Variants in EP400 observed in about 807,000 individuals in gnomAD.
EP400 encodes E1A-binding protein p400.
Under a neutral mutation model 354.1 loss-of-function variants are expected in EP400, and 105 were observed. That is an observed-to-expected ratio of 0.30 (90% CI 0.25 to 0.35). The LOEUF is 0.35. EP400 is among the 10% of genes least tolerant of loss of function. EP400 has a pLI of 1.00. For synonymous variants in EP400, 1,646 were observed against 1,716.9 expected (o/e 0.96, Z 1.02); for missense variants, 3,280 against 4,121.0 (o/e 0.80, Z 5.59).
chr12:131,991,481 T>G, intron 10 of EP400, 25 bp downstream of exon 10: 2 of 1,613,218 alleles, frequency 1.2e-6, no homozygotes, highest in South Asian at 1.1e-5. Context: ...GTTACTGTGC[T>G]GTGTGAGAAG....
At chr12:132,039,069 C>T (rs1290866193) in intron 32 of EP400, among the ~76,000 whole-genome samples, 6 of 152,280 alleles carry the variant, frequency 3.9e-5, no homozygotes, top group Admixed American at 6.5e-5. Flanking sequence ...CGCCGACACC[C>T]GAGATTGAGC....
intron 48 of EP400, chr12:132,065,237 G>A: frequency 3.0e-6 from 1 of 330,632 alleles, no homozygotes. Flanking sequence ...CGCTGTGCAT[G>A]TAAGCCGTAG....
intron 12 of EP400, among the ~76,000 whole-genome samples, chr12:131,998,074 C>T (rs1893277387): frequency 6.6e-6 from 1 of 152,186 alleles, no homozygotes. Flanking sequence ...TAAGTGCCAG[C>T]TCAGACGTAA....
chr12:132,044,069 G>T (rs1233036058), intron 34 of EP400, 108 bp from the exon 35 acceptor site: 1 of 1,465,412 alleles, frequency 6.8e-7, no homozygotes, highest in South Asian at 1.3e-5. Flanking sequence ...AGCAGTGTGT[G>T]TAGAGAACAT....
chr12:131,987,789 C>A lies in EP400; in HGVS notation c.2308C>A (p.Pro770Thr). ...GCGTCTGCCAAAGCTGCAGGAGGCC[C>A]CACGCCCCAAGTCCCACTGGGACTA... is the stretch of plus-strand genomic sequence containing the variant. ...QRRLPKLQEA[P>T]RPKSHWDYLL... Residue 770 changes from proline to threonine, a missense_variant, in exon 7 of 53, where the codon CCA becomes ACA. Coordinates refer to ENST00000389561, the MANE Select transcript of EP400 (RefSeq NM_015409.5). The A allele has an allele frequency of 1.9e-6, 3 of 1,613,058 alleles. No individual in the cohort carries two copies. The highest frequency in any genetic ancestry group is 2.5e-6 in the Non-Finnish European group (3 of 1,179,938).
intron 16 of EP400, 46 bp from the exon 17 acceptor site, chr12:132,012,959 TGAAA>T: frequency 6.7e-7 from 1 of 1,501,732 alleles, no homozygotes; most frequent in South Asian, 1.4e-5. Context: ...AAGGTGATTT[TGAAA>T]GACAGTGGAG....
At chr12:132,005,646 T>G (rs1397354005) in intron 13 of EP400, among the ~76,000 whole-genome samples, 1 of 152,158 alleles carries the variant, frequency 6.6e-6, no homozygotes, top group African/African-American at 2.4e-5. Flanking sequence ...CACAGGAGCC[T>G]TGGGGAGGTC....
At chr12:132,039,876 A>T (rs984969683) in intron 32 of EP400, among the ~76,000 whole-genome samples, 1 of 152,152 alleles carries the variant, frequency 6.6e-6, no homozygotes, top group Non-Finnish European at 1.5e-5. Flanking sequence ...CCATCTCTAC[A>T]AGAAGAATTT....
chr12:132,012,988 G>A (rs1893813484), intron 16 of EP400, 21 bp from the exon 17 acceptor site: 1 of 1,586,234 alleles, frequency 6.3e-7, no homozygotes. Context: ...AAGGCACTGA[G>A]CTGTCCTCTC....
In EP400 at chr12:131,982,983, A is replaced by AAAT. The variant is rs1204867799; in HGVS notation, c.1929+519_1929+521dup. On this transcript the variant is annotated intron_variant, in intron 5 of 52. Coordinates refer to ENST00000389561, the MANE Select transcript of EP400 (RefSeq NM_015409.5). Reference sequence around the variant, plus strand: ...AGACTCTGTCTCAAAAAAAAAAAAAAAATAATAATAATAATAGACAACTGT... The same window carrying AAAT: ...AGACTCTGTCTCAAAAAAAAAAAAAAAATAATAATAATAATAATAGACAACTGT... 2.1e-4 allele frequency among the ~76,000 whole-genome samples: 31 copies of AAAT among 149,728 alleles called. 1 individual carries two copies. The highest frequency in any genetic ancestry group is 3.4e-3 in the Middle Eastern group (1 of 292).
At chr12:132,010,990 A>G (rs1372149033) in intron 15 of EP400, among the ~76,000 whole-genome samples, 4 of 152,202 alleles carry the variant, frequency 2.6e-5, no homozygotes, top group Admixed American at 2.0e-4. Context: ...TTGAAACAAC[A>G]TATTTTAGGA....
At position 132,053,512 on chromosome 12, in the gene EP400, C is replaced by G; in HGVS notation, c.7643C>G (p.Pro2548Arg). The G allele has an allele frequency of 6.5e-7, 1 of 1,541,762 alleles. No individual in the cohort carries two copies. Among genetic ancestry groups the G allele is most frequent in the Non-Finnish European group, 8.7e-7 (1 of 1,150,064 alleles). ...CCAGCTGTCCAGCCCCAACCCCAGC[C>G]ACAGCCCCAGACCCAGCCACAGCCT... The part of the protein sequence containing the change: ...GPPAVQPQPQ[P>R]QPQTQPQPVQ... The change falls in exon 43 of 53, where the codon CCA (proline) becomes CGA (arginine). Residue 2548 changes from proline (P) to arginine (R), a missense_variant. Physicochemically the swap from Pro to Arg is moderately radical, Grantham distance 103 (BLOSUM62 -2). This residue lies in a region of EP400 where 255 missense variants were observed against 295.9 expected (regional missense o/e 0.86). Coordinates refer to ENST00000389561, the MANE Select transcript of EP400 (RefSeq NM_015409.5).
In EP400 at chr12:132,013,804, A is replaced by G; in HGVS notation, c.3814A>G (p.Thr1272Ala). The G allele has an allele frequency of 1.2e-6, 2 of 1,614,238 alleles. No individual in the cohort carries two copies. The highest frequency in any genetic ancestry group is 1.7e-6 in the Non-Finnish European group (2 of 1,180,048). Residue 1272 changes from threonine (T) to alanine (A), a missense_variant, in exon 19 of 53, where the codon ACT becomes GCT. Thr to Ala is a moderately conservative substitution (Grantham distance 58). This residue lies in a region of EP400 where 242 missense variants were observed against 357.9 expected (regional missense o/e 0.68). Transcript: ENST00000389561. The surrounding 1 kb of genome is among the most constrained non-coding windows in gnomAD (Gnocchi z 4.5). ...RVTQPFILRR[T>A]KRDVEKQLTK... The stretch of plus-strand genomic sequence containing the variant: ...GACACAGCCATTTATTTTGAGGAGA[A>G]CTAAGAGAGATGTGGAAAAGCAACT...
chr12:132,062,694 T>C lies in EP400; in HGVS notation c.8327T>C (p.Leu2776Pro). 6.2e-7 allele frequency: 1 copy of C among 1,613,428 alleles called. No homozygotes were observed. Among genetic ancestry groups the C allele is most frequent in the Non-Finnish European group, 8.5e-7 (1 of 1,179,376 alleles). ...GCACAGATCAAAGCTGTGGGCAAGC[T>C]GACGCCGGTGAGCATTTCCCAGAGG... ...SPAQIKAVGK[L>P]TPEHLIKMQK... Residue 2776 changes from leucine (L) to proline (P), a missense_variant, in exon 47 of 53, where the codon CTG becomes CCG. Leu to Pro is a moderately conservative substitution (Grantham distance 98). This residue lies in a region of EP400 where 47 missense variants were observed against 55.6 expected (regional missense o/e 0.85). Coordinates refer to ENST00000389561, the MANE Select transcript of EP400 (RefSeq NM_015409.5).
chr12:131,986,372 A>T (rs1892853352), intron 5 of EP400, 142 bp from the exon 6 acceptor site: 1 of 748,922 alleles, frequency 1.3e-6, no homozygotes, highest in East Asian at 2.6e-5. Context: ...TGTGGATACG[A>T]TGTGATTTGT....
rs757329665 is a variant in EP400, at chr12:132,053,218, GAAA to G, written c.7470_7472del (p.Lys2491del). 1 of 1,613,810 alleles carries G rather than the reference GAAA, an allele frequency of 6.2e-7. No homozygotes were observed. The highest frequency in any genetic ancestry group is 8.5e-7 in the Non-Finnish European group (1 of 1,179,960). ...TCCGTGCAGAGCGAATCGCAAAAGAGAAAAAGGTCAGCGCCCTGGGCCCTTCTG... is the reference window on the plus strand; with the variant it reads ...TCCGTGCAGAGCGAATCGCAAAAGAGAAGGTCAGCGCCCTGGGCCCTTCTG... On this transcript the variant is annotated inframe_deletion, in exon 42 of 53. Transcript: ENST00000389561.
chr12:132,013,595 C>T lies in EP400; in HGVS notation c.3717C>T (p.Ser1239=), dbSNP rs1893833095. Residue 1239 remains serine (S), a synonymous_variant, in exon 18 of 53, where the codon AGC becomes AGT. Coordinates refer to ENST00000389561, the MANE Select transcript of EP400 (RefSeq NM_015409.5). The surrounding 1 kb of genome is among the most constrained non-coding windows in gnomAD (Gnocchi z 4.5). ...LVPGISRPYL[S]SPLRAPSEES... is the part of the protein sequence containing the mutation. ...CAGGGATCTCCAGGCCCTACCTGAG[C>T]TCCCCTCTGAGGGCCCCCAGTGAAG... 2 of 1,614,010 alleles carry T rather than the reference C, an allele frequency of 1.2e-6. No homozygotes were observed. The highest frequency in any genetic ancestry group is 1.3e-5 in the African/African-American group (1 of 75,044).
At chr12:132,028,398 G>A (rs930044452) in intron 27 of EP400, 110 bp downstream of exon 27, 14 of 1,369,246 alleles carry the variant, frequency 1.0e-5, no homozygotes, top group African/African-American at 2.9e-5. Flanking sequence ...TTCTCCCCAC[G>A]CTGTCCCTTA....
Position 132,062,593 on chromosome 12 carries a change from A to AGCAACAG in EP400, c.8226_8227insGCAACAG (p.Gln2743AlafsTer242). On this transcript the variant is annotated frameshift_variant, in exon 47 of 53. Coordinates refer to ENST00000389561, the MANE Select transcript of EP400 (RefSeq NM_015409.5). LOFTEE classifies it high-confidence loss of function. ...AGCAGCAGCAGCAGCAGCAGCAGCAACAGCAGCAGCAGCAACAGACGACGA... is the reference window on the plus strand; with the variant it reads ...AGCAGCAGCAGCAGCAGCAGCAGCAAGCAACAGCAGCAGCAGCAGCAACAGACGACGA... The AGCAACAG allele has an allele frequency of 8.2e-7, 1 of 1,212,866 alleles. No individual in the cohort carries two copies. The allele number at this position is 1,212,866 out of a possible 1,614,324, so 75.1% of individuals were successfully genotyped here.
Sources: gnomAD v4.1 joint callset for allele counts (sites outside exome capture counted in the v4.1 genomes callset) on GRCh38, gnomAD v4.1.1 for gene constraint, gnomAD v4.1.1 regional missense constraint, Gnocchi (gnomAD v3.1) non-coding constraint, MANE v1.5 for transcripts, NCBI Gene and HGNC (gene_info 2026-07-23, HGNC 2026-07-21) for gene names.